Variants in KIAA1671 observed in about 807,000 individuals in gnomAD.
KIAA1671 encodes the protein uncharacterized protein KIAA1671.
In KIAA1671, 52 loss-of-function variants were observed where a neutral mutation model predicts 131.2. The ratio of observed to expected loss-of-function variants is 0.40; its 90% confidence interval spans 0.32 to 0.50. KIAA1671 has a LOEUF of 0.50. Among genes scored for constraint, KIAA1671 ranks in the 20% least tolerant of loss-of-function variants. The pLI, the probability that KIAA1671 is intolerant of heterozygous loss-of-function variation, is 0.73. For missense variants in KIAA1671, 2,360 were observed against 2,364.2 expected (o/e 1.00, Z 0.04); for synonymous variants, 1,003 against 961.6 (o/e 1.04, Z -0.80).
chr22:25,039,866 C>T lies in KIAA1671; in HGVS notation c.2736C>T (p.Pro912=), dbSNP rs1926815665. The stretch of plus-strand genomic sequence containing the variant: ...ATGCATTTGCTGTGCAGAAAGGGCC[C>T]TTCATTGTAGCCGCCAGGGAGGGTG... ...HPDAFAVQKG[P]FIVAAREGDP... The change falls in exon 5 of 13, where the codon CCC becomes CCT. Residue 912 remains proline (P), a synonymous_variant. Transcript: ENST00000358431. 1 of 1,551,246 alleles carries T rather than the reference C, an allele frequency of 6.4e-7. No homozygotes were observed. Among genetic ancestry groups the T allele is most frequent in the Non-Finnish European group, 8.7e-7 (1 of 1,146,888 alleles).
intron 6 of KIAA1671, among the ~76,000 whole-genome samples, chr22:25,071,605 T>TGAGCCGAGATCCCGCCACTGC (rs1601283962): frequency 2.1e-4 from 32 of 151,504 alleles, no homozygotes; most frequent in Admixed American, 2.6e-4. Flanking sequence ...AAGTCTCCAA[T>TGAGCCGAGATCCCGCCACTGC]AATCGTATTT....
chr22:24,977,493 G>T (rs1264384087), intron 1 of KIAA1671, among the ~76,000 whole-genome samples: 1 of 152,224 alleles, frequency 6.6e-6, no homozygotes, highest in African/African-American at 2.4e-5. Flanking sequence ...GCCTCATAGA[G>T]CCTGTGAGTC....
chr22:25,111,226 G>GCA (rs141133836), intron 6 of KIAA1671, among the ~76,000 whole-genome samples: 9 of 152,102 alleles, frequency 5.9e-5, no homozygotes, highest in African/African-American at 7.2e-5. Context: ...CGACATACAC[G>GCA]CACACACACA....
chr22:24,956,740 C>T (rs1017399989), intron 1 of KIAA1671, among the ~76,000 whole-genome samples: 5 of 152,126 alleles, frequency 3.3e-5, no homozygotes, highest in Admixed American at 1.3e-4. Context: ...GGCGTGGTGG[C>T]GGGTGCCTGT....
At chr22:24,964,620 G>T (rs1922198381) in intron 1 of KIAA1671, among the ~76,000 whole-genome samples, 1 of 151,992 alleles carries the variant, frequency 6.6e-6, no homozygotes, top group Non-Finnish European at 1.5e-5. Context: ...ACAGGATCTT[G>T]GTATGTTGCC....
chr22:25,051,591 CTCA>C, intron 6 of KIAA1671: 1 of 152,432 alleles, frequency 6.6e-6, no homozygotes, highest in East Asian at 1.9e-4. Flanking sequence ...CCTTCCCTTT[CTCA>C]TCCTCCTCCT....
At chr22:25,098,177 G>T (rs1930481957) in intron 6 of KIAA1671, among the ~76,000 whole-genome samples, 1 of 152,222 alleles carries the variant, frequency 6.6e-6, no homozygotes, top group South Asian at 2.1e-4. Context: ...ACTTTACTTG[G>T]AGGAGAGAGC....
intron 5 of KIAA1671, among the ~76,000 whole-genome samples, chr22:25,048,039 C>G (rs1297293185): frequency 6.6e-6 from 1 of 152,152 alleles, no homozygotes; most frequent in Non-Finnish European, 1.5e-5. Context: ...AGAGTCTCAG[C>G]TTTGCTGATG....
intron 6 of KIAA1671, among the ~76,000 whole-genome samples, chr22:25,120,716 T>C (rs1931892650): frequency 6.6e-6 from 1 of 152,274 alleles, no homozygotes; most frequent in African/African-American, 2.4e-5. Flanking sequence ...TCTTGTCTTT[T>C]TCCCCCCTCT....
intron 1 of KIAA1671, among the ~76,000 whole-genome samples, chr22:24,985,070 GTC>G (rs1923449472): frequency 6.6e-6 from 1 of 151,890 alleles, no homozygotes; most frequent in Admixed American, 6.6e-5. Context: ...CGGAGCTGCT[GTC>G]TCTCTGATTT....
chr22:25,032,578 T>G, intron 3 of KIAA1671, 31 bp from the exon 4 acceptor site: 2 of 1,433,648 alleles, frequency 1.4e-6, no homozygotes, highest in Middle Eastern at 3.5e-4. Flanking sequence ...AGCTTCCAGC[T>G]CCATGAAGGT....
chr22:25,022,241 A>G (rs1401084644), intron 1 of KIAA1671, among the ~76,000 whole-genome samples: 3 of 152,224 alleles, frequency 2.0e-5, no homozygotes, highest in South Asian at 2.1e-4. Flanking sequence ...TAAATGACTG[A>G]TAAGCTCTCA....
chr22:25,153,438 G>A (rs9624735), intron 6 of KIAA1671, among the ~76,000 whole-genome samples: 40,117 of 152,156 alleles, frequency 0.26, 5,391 homozygotes, highest in South Asian at 0.36. Context: ...CCACATGTCC[G>A]TAGTGCCATG....
chr22:25,185,143 G>A, intron 11 of KIAA1671, 24 bp downstream of exon 11: 1 of 1,527,194 alleles, frequency 6.5e-7, no homozygotes, highest in Non-Finnish European at 8.8e-7. Flanking sequence ...GGGAATGGGG[G>A]TCCCTCTCCT....
At chr22:25,149,163 T>C (rs1448950213) in intron 6 of KIAA1671, among the ~76,000 whole-genome samples, 3 of 152,190 alleles carry the variant, frequency 2.0e-5, no homozygotes, top group Non-Finnish European at 4.4e-5. Context: ...TCACCTCGAC[T>C]CTGGACATTG....
At chr22:25,136,457 G>A (rs972433721) in intron 6 of KIAA1671, among the ~76,000 whole-genome samples, 18 of 152,154 alleles carry the variant, frequency 1.2e-4, no homozygotes, top group African/African-American at 4.3e-4. Context: ...TTCTCAAAGG[G>A]GAGAAGGGAT....
intron 6 of KIAA1671, among the ~76,000 whole-genome samples, chr22:25,082,100 A>G (rs1387122887): frequency 1.3e-5 from 2 of 152,090 alleles, no homozygotes; most frequent in East Asian, 3.9e-4. Context: ...CAGAGCTGAA[A>G]AAGGACTCAG....
chr22:24,965,740 CAAAAAAAAAAA>C lies in KIAA1671; in HGVS notation c.-208+12979_-208+12989del, dbSNP rs767916092. ...GGGCAACAAGAGTGAAACTCCATCT[CAAAAAAAAAAA>C]AAAAAAAAAAGAAAAGGATGAGCTT... On this transcript the variant is annotated intron_variant, in intron 1 of 12. Coordinates refer to ENST00000358431, the MANE Select transcript of KIAA1671 (RefSeq NM_001145206.2). Among the ~76,000 whole-genome samples, 3 of 45,898 alleles carry C rather than the reference CAAAAAAAAAAA, an allele frequency of 6.5e-5. No individual in the cohort carries two copies. The South Asian group carries it at 2.3e-3, about 34-fold the overall frequency. 30.1% of individuals were successfully genotyped at this position (45,898 alleles called of 152,430 possible).
Position 25,039,956 on chromosome 22 carries a change from G to C in KIAA1671, c.2826G>C (p.Gln942His). The part of the protein sequence containing the change: ...VRMRKAGAMD[Q>H]RMDRWRRRTL... ...TGCGGAAAGCCGGCGCCATGGACCAGAGAATGGACAGATGGCGGCGGCGGA... is the reference window on the plus strand; with the variant it reads ...TGCGGAAAGCCGGCGCCATGGACCACAGAATGGACAGATGGCGGCGGCGGA... The change falls in exon 5 of 13, where the codon CAG becomes CAC. Residue 942 changes from glutamine to histidine, a missense_variant. By Grantham distance (24) the Gln-to-His change is conservative (BLOSUM62 0). Coordinates refer to ENST00000358431, the MANE Select transcript of KIAA1671 (RefSeq NM_001145206.2). 2 of 1,551,384 alleles carry C rather than the reference G, an allele frequency of 1.3e-6. No individual in the cohort carries two copies. Among genetic ancestry groups the C allele is most frequent in the South Asian group, 2.4e-5 (2 of 84,010 alleles).
Sources: allele counts gnomAD v4.1 joint callset (sites outside exome capture counted in the v4.1 genomes callset), GRCh38; gene constraint gnomAD v4.1.1; transcripts MANE v1.5; gene names NCBI Gene and HGNC (gene_info 2026-07-23, HGNC 2026-07-21).